The following COL5A1 variants were observed in gnomAD, a reference collection of about 807,000 sequenced individuals.
The protein encoded by COL5A1 is collagen alpha-1(V) chain.
A neutral mutation model predicts 263.7 loss-of-function variants in COL5A1; 16 were observed. The observed-to-expected ratio is 0.06, with a 90% CI of 0.04 to 0.09. The LOEUF is 0.09. Among genes scored for constraint, COL5A1 ranks in the 10% least tolerant of loss-of-function variants. The pLI, the probability that COL5A1 is intolerant of heterozygous loss-of-function variation, is 1.00. For missense variants in COL5A1, 2,036 were observed against 2,540.5 expected (o/e 0.80, Z 4.27); for synonymous variants, 1,012 against 1,004.5 (o/e 1.01, Z -0.14).
chr9:134,699,322 T>C (rs540161911), intron 2 of COL5A1, among the ~76,000 whole-genome samples: 4 of 152,264 alleles, frequency 2.6e-5, no homozygotes, highest in Non-Finnish European at 5.9e-5. Context: ...ATTTTAAATT[T>C]GGATTAAATT....
chr9:134,650,833 C>T (rs1467266665), intron 1 of COL5A1, among the ~76,000 whole-genome samples: 1 of 152,262 alleles, frequency 6.6e-6, no homozygotes, highest in Non-Finnish European at 1.5e-5. Flanking sequence ...CACCTGTGAT[C>T]CTCAAACCCG....
intron 34 of COL5A1, among the ~76,000 whole-genome samples, chr9:134,796,047 CG>C (rs144588745): frequency 0.043 from 6,528 of 152,284 alleles, 495 homozygotes; most frequent in African/African-American, 0.15. Flanking sequence ...GGCCCTAGAG[CG>C]GGTCCCTGCG....
chr9:134,777,342 G>A (rs1246712498), intron 27 of COL5A1, among the ~76,000 whole-genome samples: 1 of 152,230 alleles, frequency 6.6e-6, no homozygotes, highest in African/African-American at 2.4e-5. Context: ...GCGGCTGGCC[G>A]GCCGAGTCAC....
intron 25 of COL5A1, among the ~76,000 whole-genome samples, chr9:134,769,912 C>A (rs550166841): frequency 4.8e-4 from 73 of 152,352 alleles, no homozygotes; most frequent in African/African-American, 1.7e-3. Flanking sequence ...GCTGACCTAA[C>A]TTGTTCTCCC....
At chr9:134,743,176 C>G (rs190314729) in intron 11 of COL5A1, among the ~76,000 whole-genome samples, 4 of 152,320 alleles carry the variant, frequency 2.6e-5, no homozygotes, top group Admixed American at 1.3e-4. Flanking sequence ...CCTTGCACCC[C>G]AGGCACTCCT....
At chr9:134,831,561 G>A (rs1839629159) in intron 64 of COL5A1, among the ~76,000 whole-genome samples, 1 of 152,220 alleles carries the variant, frequency 6.6e-6, no homozygotes, top group Non-Finnish European at 1.5e-5. Context: ...TGATGTGTGG[G>A]ATCAGGCAAG....
intron 28 of COL5A1, among the ~76,000 whole-genome samples, chr9:134,780,618 C>G (rs1358956416): frequency 6.6e-6 from 1 of 152,216 alleles, no homozygotes; most frequent in African/African-American, 2.4e-5. Context: ...GGGAGAGAGG[C>G]CGTGCCATTG....
Position 134,825,830 on chromosome 9 carries a change from G to A in COL5A1, c.4993G>A (p.Asp1665Asn). 2 of 1,613,302 alleles carry A rather than the reference G, an allele frequency of 1.2e-6. No individual in the cohort carries two copies. The highest frequency in any genetic ancestry group is 1.7e-6 in the Non-Finnish European group (2 of 1,179,492). ...WVDPNQGCSR[D>N]SFKVYCNFTA... ...CGATCCTAACCAAGGATGCTCCAGG[G>A]ATTCCTTCAAGGTTTACTGCAACTT... The change falls in exon 63 of 66, where the codon GAT becomes AAT. Residue 1665 changes from aspartate to asparagine, a missense_variant. Physicochemically the swap from Asp to Asn is conservative, Grantham distance 23 (BLOSUM62 1). Coordinates refer to ENST00000371817, the MANE Select transcript of COL5A1 (RefSeq NM_000093.5).
chr9:134,668,420 C>G (rs1343291455), intron 1 of COL5A1, among the ~76,000 whole-genome samples: 2 of 152,136 alleles, frequency 1.3e-5, no homozygotes, highest in African/African-American at 4.8e-5. Context: ...TGATCTTGGT[C>G]TTTGCGTGAG....
In COL5A1 at chr9:134,765,801, G is replaced by GT; in HGVS notation, c.2088+68dup. The GT allele has an allele frequency of 7.2e-7, 1 of 1,390,884 alleles. No homozygotes were observed. The highest frequency in any genetic ancestry group is 1.0e-6 in the Non-Finnish European group (1 of 993,608). The allele number at this position is 1,390,884 out of a possible 1,614,324, so 86.2% of individuals were successfully genotyped here. A position where few individuals can be genotyped will look rare whatever the true frequency, so the allele number is the denominator to read the frequency against. On this transcript the variant is annotated intron_variant, in intron 21 of 65. Coordinates refer to ENST00000371817, the MANE Select transcript of COL5A1 (RefSeq NM_000093.5). The surrounding 1 kb of genome is among the most constrained non-coding windows in gnomAD (Gnocchi z 5.1). Reference sequence around the variant, plus strand: ...CCTTTGAGACCCCGCCTCCCAGCCGGTGGACGCTTGGGCACTGGGGCAGCA... The same window carrying GT: ...CCTTTGAGACCCCGCCTCCCAGCCGGTTGGACGCTTGGGCACTGGGGCAGCA...
rs772365237 is a variant in COL5A1 at position 134,699,894 on chromosome 9, T to G, written c.278-15T>G. 6.2e-7 allele frequency: 1 copy of G among 1,613,614 alleles called. No homozygotes were observed. Among genetic ancestry groups the G allele is most frequent in the Non-Finnish European group, 8.5e-7 (1 of 1,179,816 alleles). ...GGCTCCCCGACTGCCTTCTCACCTC[T>G]GTGCTCTGTTCCAGCGTCTGCATTT... On this transcript the variant is annotated splice_polypyrimidine_tract_variant and intron_variant, in intron 2 of 65. Transcript: ENST00000371817.
In COL5A1 at chr9:134,696,637, C is replaced by T. The variant is rs946506123; in HGVS notation, c.278-3272C>T. Among the ~76,000 whole-genome samples the T allele has an allele frequency of 2.2e-4, 34 of 152,344 alleles. No individual in the cohort carries two copies. The highest frequency in any genetic ancestry group is 7.7e-4 in the African/African-American group (32 of 41,582). On this transcript the variant is annotated intron_variant, in intron 2 of 65. Transcript: ENST00000371817. The surrounding 1 kb of genome is among the most constrained non-coding windows in gnomAD (Gnocchi z 4.3). ...GGGATCAGTCACTGTTTATTGATCA[C>T]GTGATCCACTGTAGTGAGCAATCGG...
rs1180473802 is a variant in COL5A1 at position 134,842,167 on chromosome 9, G to C, written c.5381G>C (p.Gly1794Ala). 1.9e-6 allele frequency: 3 copies of C among 1,614,030 alleles called. No individual in the cohort carries two copies. The highest frequency in any genetic ancestry group is 1.6e-4 in the Middle Eastern group (1 of 6,062). ...CTCCCTCTTCCCCAGACCAAGAAAG[G>C]CTACCAGAAGACGGTTCTGGAGATC... Reference protein sequence around the residue: ...ALVDGCATKKGYQKTVLEIDT... With the variant: ...ALVDGCATKKAYQKTVLEIDT... Residue 1794 changes from glycine to alanine, a missense_variant, in exon 66 of 66, where the codon GGC becomes GCC. Gly to Ala is a moderately conservative substitution (Grantham distance 60). Around this residue, in one of 3 missense-constraint regions of COL5A1, gnomAD observed 358 missense variants for 384.6 expected, o/e 0.93. Coordinates refer to ENST00000371817, the MANE Select transcript of COL5A1 (RefSeq NM_000093.5). The surrounding 1 kb of genome is among the most constrained non-coding windows in gnomAD (Gnocchi z 5.8).
intron 4 of COL5A1, among the ~76,000 whole-genome samples, chr9:134,715,045 G>T (rs916209865): frequency 2.0e-4 from 30 of 151,790 alleles, no homozygotes; most frequent in African/African-American, 7.3e-4. Context: ...AATGGGCCCA[G>T]GGGACCAGCG....
intron 2 of COL5A1, chr9:134,691,534 A>G (rs188939695): frequency 4.3e-4 from 77 of 178,858 alleles, no homozygotes; most frequent in African/African-American, 1.7e-3. Flanking sequence ...TAGCAAGAGC[A>G]TGGGAGGCTT....
rs754520713 is a variant in COL5A1, at chr9:134,762,440, G to A, written c.1989+462G>A. 5.4e-4 allele frequency among the ~76,000 whole-genome samples: 82 copies of A among 152,244 alleles called. 1 individual carries two copies. The highest frequency in any genetic ancestry group is 3.2e-4 in the Non-Finnish European group (22 of 68,042). ...TAACCCTCTGTGGGCCTGGAGGTAG[G>A]GGAGCGAGTGGCTGTGGCCATGGGG... On this transcript the variant is annotated intron_variant, in intron 19 of 65. Transcript: ENST00000371817.
intron 9 of COL5A1, among the ~76,000 whole-genome samples, chr9:134,736,001 C>A (rs1835084334): frequency 6.6e-6 from 1 of 152,220 alleles, no homozygotes; most frequent in Non-Finnish European, 1.5e-5. Context: ...TCTGCGGCCC[C>A]CCCAGCCGGG....
intron 11 of COL5A1, among the ~76,000 whole-genome samples, chr9:134,748,208 AC>A (rs1274319075): frequency 2.7e-5 from 4 of 145,498 alleles, no homozygotes; most frequent in Admixed American, 6.8e-5. Context: ...ACATGCACAC[AC>A]CCCATGCATT....
At chr9:134,823,790 T>C (rs551841144) in intron 61 of COL5A1, among the ~76,000 whole-genome samples, 2 of 152,302 alleles carry the variant, frequency 1.3e-5, no homozygotes, top group South Asian at 4.1e-4. Flanking sequence ...TGTGTGCATG[T>C]CTGTATGTGT....
Sources: allele counts gnomAD v4.1 joint callset (sites outside exome capture counted in the v4.1 genomes callset), GRCh38; gene constraint gnomAD v4.1.1; regional missense constraint gnomAD v4.1.1; non-coding constraint Gnocchi (gnomAD v3.1); transcripts MANE v1.5; gene names NCBI Gene and HGNC (gene_info 2026-07-23, HGNC 2026-07-21).